Variants in RGS22 observed in about 807,000 individuals in gnomAD.
RGS22 encodes the protein regulator of G protein signaling 22, also known as regulator of G-protein signaling 22.
In RGS22, 148 loss-of-function variants were observed where a neutral mutation model predicts 172.9. That is an observed-to-expected ratio of 0.86 (90% CI 0.75 to 0.98). RGS22 has a LOEUF of 0.98. RGS22 is among the 50% of genes least tolerant of loss of function. The probability of loss-of-function intolerance (pLI) is 0.00; values close to 1 mark genes in which losing one functional copy is unlikely to be tolerated. For missense variants in RGS22, 1,347 were observed against 1,440.8 expected, an observed-to-expected ratio of 0.93 and a Z score of 1.05; for synonymous variants, 458 against 480.2, an observed-to-expected ratio of 0.95 and a Z score of 0.60.
intron 14 of RGS22, among the ~76,000 whole-genome samples, chr8:100,028,269 A>G (rs1818392496): frequency 6.6e-6 from 1 of 152,140 alleles, no homozygotes; most frequent in Admixed American, 6.5e-5. Flanking sequence ...TGCACTTAAA[A>G]GTACATTTGT....
Position 100,105,937 on chromosome 8 carries a change from CGCGCCTGGAGCCCGCGCG to C in RGS22, c.-34_-17del, listed in dbSNP as rs560848271. 58 of 1,478,584 alleles carry C rather than the reference CGCGCCTGGAGCCCGCGCG, an allele frequency of 3.9e-5. No individual in the cohort carries two copies. The Admixed American group carries it at 8.9e-4, about 23-fold the overall frequency. 91.6% of individuals were successfully genotyped at this position (1,478,584 alleles called of 1,614,324 possible). A position where few individuals can be genotyped will look rare whatever the true frequency, so the allele number is the denominator to read the frequency against. ...TCTCGGGCATGCCGTCCCCGCTGCC[CGCGCCTGGAGCCCGCGCG>C]GGCCGTCAGGGCCCTAGCGCGCGGG... On this transcript the variant is annotated 5_prime_UTR_variant, in exon 1 of 28. Coordinates refer to ENST00000360863, the MANE Select transcript of RGS22 (RefSeq NM_015668.5).
intron 14 of RGS22, among the ~76,000 whole-genome samples, chr8:100,011,651 C>T (rs946123286): frequency 3.2e-4 from 48 of 152,236 alleles, no homozygotes; most frequent in African/African-American, 1.2e-3. Flanking sequence ...CTCAAAACAC[C>T]CTGAGAGCAG....
chr8:100,052,170 C>CATATATTAATAT (rs1554626708), intron 10 of RGS22, among the ~76,000 whole-genome samples: 1 of 20,958 alleles, frequency 4.8e-5, no homozygotes, highest in African/African-American at 1.7e-4. Context: ...AATATATAAA[C>CATATATTAATAT]ATATATAAAT....
intron 4 of RGS22, among the ~76,000 whole-genome samples, chr8:100,079,065 A>G (rs1262766206): frequency 6.6e-6 from 1 of 152,256 alleles, no homozygotes; most frequent in Admixed American, 6.5e-5. Context: ...CTTGTGCCAA[A>G]GCACATAACT....
In RGS22 at chr8:100,105,868, T is replaced by A. The variant is rs1267097925; in HGVS notation, c.25+29A>T. ...GTGCGGCCCCGACGCCGCGGGCTGA[T>A]CCTCTGTCCCTGTGGGGCCGCCACC... On this transcript the variant is annotated intron_variant, in intron 1 of 27. Coordinates refer to ENST00000360863, the MANE Select transcript of RGS22 (RefSeq NM_015668.5). 5.3e-6 allele frequency: 8 copies of A among 1,502,874 alleles called. No homozygotes were observed. The East Asian group carries it at 8.5e-5, about 16-fold the overall frequency. The allele number at this position is 1,502,874 out of a possible 1,614,324, so 93.1% of individuals were successfully genotyped here. A position where few individuals can be genotyped will look rare whatever the true frequency, so the allele number is the denominator to read the frequency against.
At chr8:100,074,803 T>C (rs1418909608) in intron 4 of RGS22, among the ~76,000 whole-genome samples, 1 of 152,174 alleles carries the variant, frequency 6.6e-6, no homozygotes, top group Non-Finnish European at 1.5e-5. Flanking sequence ...AGTCTCGCTC[T>C]ATCGCCCAGG....
Position 100,040,093 on chromosome 8 carries a change from T to A in RGS22, c.1939-6A>T, listed in dbSNP as rs760471440. On this transcript the variant is annotated splice_region_variant and splice_polypyrimidine_tract_variant and intron_variant, in intron 12 of 27. Transcript: ENST00000360863. Reference sequence around the variant, plus strand: ...ACATCTGACACGGTTTTAACCTAGATAACAAAACAGAAGTCTATTATCCAC... The same window carrying A: ...ACATCTGACACGGTTTTAACCTAGAAAACAAAACAGAAGTCTATTATCCAC... The A allele has an allele frequency of 5.6e-6, 9 of 1,606,000 alleles. No individual in the cohort carries two copies. The East Asian group carries it at 1.6e-4, about 28-fold the overall frequency.
intron 2 of RGS22, among the ~76,000 whole-genome samples, chr8:100,095,242 GGT>G (rs1812875026): frequency 6.6e-6 from 1 of 152,136 alleles, no homozygotes; most frequent in African/African-American, 2.4e-5. Flanking sequence ...GGAGTGCAGT[GGT>G]GTGATCTCAG....
At chr8:100,023,018 A>T (rs537529968) in intron 14 of RGS22, among the ~76,000 whole-genome samples, 1 of 152,296 alleles carries the variant, frequency 6.6e-6, no homozygotes, top group East Asian at 1.9e-4. Flanking sequence ...ATTCAATTTT[A>T]AAAACATGAT....
rs373874974 is a variant in RGS22 at position 100,079,969 on chromosome 8, T to G, written c.339+165A>C. On this transcript the variant is annotated intron_variant, in intron 4 of 27. Coordinates refer to ENST00000360863, the MANE Select transcript of RGS22 (RefSeq NM_015668.5). ...GATAAGTGAACATCAACAAAACTGC[T>G]GAACTGGCCATTGGATTTGAAAAGT... Among the ~76,000 whole-genome samples the G allele has an allele frequency of 1.1e-3, 160 of 152,306 alleles. 2 individuals are homozygous for G. The South Asian group carries it at 0.031, about 30-fold the overall frequency.
chr8:99,965,194 C>A, intron 24 of RGS22, 141 bp downstream of exon 24: 1 of 452,882 alleles, frequency 2.2e-6, no homozygotes, highest in Admixed American at 4.1e-5. Flanking sequence ...AAGAAACTCC[C>A]TTCAATCTCT....
chr8:100,055,293 AAG>A (rs1303950228), intron 9 of RGS22, among the ~76,000 whole-genome samples: 2 of 152,190 alleles, frequency 1.3e-5, no homozygotes, highest in Non-Finnish European at 2.9e-5. Context: ...TCAGAACAGA[AAG>A]AGAGACTCTA....
Position 99,982,141 on chromosome 8 carries a change from G to T in RGS22, c.3181-25C>A, listed in dbSNP as rs749175110. 9.6e-6 allele frequency: 15 copies of T among 1,557,988 alleles called. No individual in the cohort carries two copies. In the Admixed American group the frequency reaches 2.7e-4, roughly 29 times the overall value. ...CCTGAACAGAAGGAAAGATAGAATGGTATATAATTAATGCATTACCAGAAC... is the reference window on the plus strand; with the variant it reads ...CCTGAACAGAAGGAAAGATAGAATGTTATATAATTAATGCATTACCAGAAC... On this transcript the variant is annotated intron_variant, in intron 21 of 27. Transcript: ENST00000360863.
chr8:99,962,895 CT>C lies in RGS22; in HGVS notation c.3698del (p.Lys1233SerfsTer21), dbSNP rs1424445251. 6 of 1,597,424 alleles carry C rather than the reference CT, an allele frequency of 3.8e-6. No individual in the cohort carries two copies. Among genetic ancestry groups the C allele is most frequent in the East Asian group, 2.2e-5 (1 of 44,684 alleles). On this transcript the variant is annotated frameshift_variant, in exon 25 of 28. Coordinates refer to ENST00000360863, the MANE Select transcript of RGS22 (RefSeq NM_015668.5). LOFTEE classifies it high-confidence loss of function. ...LLKIQEELEK[K>X]LFAGLQPLTN... The stretch of plus-strand genomic sequence containing the variant: ...GAAGGCAAAAATTACCTGCAAACAA[CT>C]TTTTTTCTAGTTCTTCTTGGATCTT...
At chr8:100,012,671 T>G (rs911932085) in intron 14 of RGS22, among the ~76,000 whole-genome samples, 1 of 152,012 alleles carries the variant, frequency 6.6e-6, no homozygotes, top group Non-Finnish European at 1.5e-5. Context: ...AATAATGTCT[T>G]AGGTAAATTA....
chr8:99,999,933 C>A lies in RGS22; in HGVS notation c.2791-513G>T, dbSNP rs925506832. 4.6e-5 allele frequency among the ~76,000 whole-genome samples: 7 copies of A among 152,152 alleles called. 1 individual carries two copies. The highest frequency in any genetic ancestry group is 1.0e-4 in the Non-Finnish European group (7 of 68,028). ...TGGGTTGGAGATAGGATGATGGCAG[C>A]TGTAGTGCACTATGCACCCAGAACA... On this transcript the variant is annotated intron_variant, in intron 18 of 27. Coordinates refer to ENST00000360863, the MANE Select transcript of RGS22 (RefSeq NM_015668.5).
intron 6 of RGS22, 25 bp from the exon 7 acceptor site, chr8:100,066,321 T>C: frequency 6.2e-7 from 1 of 1,602,190 alleles, no homozygotes; most frequent in Non-Finnish European, 8.5e-7. Context: ...GCATATTAGT[T>C]TAACATATGA....
At chr8:100,093,273 A>G in intron 3 of RGS22, 174 bp downstream of exon 3, 1 of 500,352 alleles carries the variant, frequency 2.0e-6, no homozygotes, top group Admixed American at 3.8e-5. Context: ...TAATTTCTAA[A>G]TATGATTCAA....
chr8:99,978,421 G>T (rs1812211672), intron 22 of RGS22, among the ~76,000 whole-genome samples: 2 of 152,010 alleles, frequency 1.3e-5, no homozygotes, highest in Admixed American at 6.6e-5. Context: ...TAGTTGATCT[G>T]CCATACACTC....
Sources: allele counts gnomAD v4.1 joint callset (sites outside exome capture counted in the v4.1 genomes callset), GRCh38; gene constraint gnomAD v4.1.1; transcripts MANE v1.5; gene names NCBI Gene and HGNC (gene_info 2026-07-23, HGNC 2026-07-21).